The following INSL6 variants were observed in gnomAD, a reference collection of about 807,000 sequenced individuals.
INSL6 encodes insulin-like peptide INSL6.
Under a neutral mutation model 9.4 loss-of-function variants are expected in INSL6, and 16 were observed. The ratio of observed to expected loss-of-function variants is 1.70; its 90% CI spans 1.15 to 2.59. INSL6 has a LOEUF of 2.59. Ranked by LOEUF, INSL6 falls within the 30% of genes most tolerant of loss-of-function variation. The pLI is 0.00. For synonymous variants in INSL6, 154 were observed against 96.9 expected (o/e 1.59, Z -3.46); for missense variants, 391 against 257.3 (o/e 1.52, Z -3.56).
the INSL6 span, chr9:5,094,800 G>C: frequency 6.6e-6 from 1 of 151,986 alleles, no homozygotes; most frequent in Non-Finnish European, 1.5e-5. Context: ...ATTTTTCTAG[G>C]AGTACTACAC....
At chr9:5,106,363 G>A in the INSL6 span, among the ~76,000 whole-genome samples, 1 of 152,220 alleles carries the variant, frequency 6.6e-6, no homozygotes, top group Non-Finnish European at 1.5e-5. Context: ...TCTCATGCCA[G>A]TTAGAATGGT....
At chr9:5,024,255 C>CA in the INSL6 span, among the ~76,000 whole-genome samples, 40 of 151,288 alleles carry the variant, frequency 2.6e-4, no homozygotes, top group South Asian at 2.1e-4. Flanking sequence ...GACTCCATCT[C>CA]AAAAAAAAAT....
intron 2 of INSL6, among the ~76,000 whole-genome samples, chr9:5,147,938 T>TA (rs919353716): frequency 1.3e-5 from 2 of 152,194 alleles, no homozygotes; most frequent in Non-Finnish European, 1.5e-5. Context: ...TTTCAGCTCT[T>TA]AAATTGTTTT....
At chr9:5,039,400 ATAGTC>A in the INSL6 span, among the ~76,000 whole-genome samples, 1 of 152,164 alleles carries the variant, frequency 6.6e-6, no homozygotes, top group South Asian at 2.1e-4. Flanking sequence ...GGTATTATAA[ATAGTC>A]TAGAGATTTT....
chr9:5,164,378 T>C lies in INSL6; in HGVS notation c.290-113A>G, dbSNP rs1825002693. The C allele has an allele frequency of 5.9e-6, 4 of 679,166 alleles. No individual in the cohort carries two copies. The Admixed American group carries it at 1.2e-4, about 20-fold the overall frequency. The allele number at this position is 679,166 out of a possible 1,614,324, so 42.1% of individuals were successfully genotyped here. The stretch of plus-strand genomic sequence containing the variant: ...TATTAAAAAACAAGTAATCACATTT[T>C]AAATAAAGAATGGAAAGTATGGTTA... On this transcript the variant is annotated intron_variant, in intron 1 of 1. Coordinates refer to ENST00000381641, the MANE Select transcript of INSL6 (RefSeq NM_007179.3).
intron 3 of INSL6, among the ~76,000 whole-genome samples, chr9:5,129,790 ATCAG>A (rs930834660): frequency 3.9e-5 from 6 of 152,190 alleles, no homozygotes; most frequent in South Asian, 2.1e-4. Flanking sequence ...GAAAAACTAC[ATCAG>A]TCAAATTCAT....
At chr9:5,164,312 T>G (rs1329922775) in intron 1 of INSL6, 47 bp from the exon 2 acceptor site, 1 of 1,257,092 alleles carries the variant, frequency 8.0e-7, no homozygotes, top group Admixed American at 2.0e-5. Flanking sequence ...AAATCTTCCT[T>G]TAGATGAAAA....
At chr9:5,085,244 TGGC>T in the INSL6 span, 9 of 674,114 alleles carry the variant, frequency 1.3e-5, no homozygotes, top group South Asian at 5.5e-5. Context: ...ACAGGACCAG[TGGC>T]TAACCTGAGA....
chr9:5,073,877 C>T, the INSL6 span: 3 of 780,380 alleles, frequency 3.8e-6, no homozygotes, highest in South Asian at 1.5e-5. Context: ...AGCTAGGTGT[C>T]AGTGTAAACT....
the INSL6 span, chr9:5,090,757 A>G: frequency 6.2e-7 from 1 of 1,604,336 alleles, no homozygotes; most frequent in Non-Finnish European, 8.5e-7. Context: ...GTATCTTGGT[A>G]CAAAAAGGTA....
the INSL6 span, among the ~76,000 whole-genome samples, chr9:5,063,252 G>T: frequency 6.6e-6 from 1 of 151,968 alleles, no homozygotes; most frequent in Non-Finnish European, 1.5e-5. Context: ...TTTTTCCTTT[G>T]TATCTAGCTT....
the INSL6 span, chr9:5,078,368 A>G: frequency 6.2e-7 from 1 of 1,612,450 alleles, no homozygotes; most frequent in Non-Finnish European, 8.5e-7. Context: ...TCAGAGAAGA[A>G]GACAGGAAGA....
the INSL6 span, among the ~76,000 whole-genome samples, chr9:5,055,414 T>C: frequency 6.6e-6 from 1 of 152,000 alleles, no homozygotes; most frequent in African/African-American, 2.4e-5. Flanking sequence ...TCTACTAATG[T>C]TAATTGAATT....
At chr9:5,094,807 ACACACTATGTATT>A in the INSL6 span, 2 of 152,190 alleles carry the variant, frequency 1.3e-5, no homozygotes, top group African/African-American at 4.8e-5. Context: ...TAGGAGTACT[ACACACTATGTATT>A]CACCAGAACT....
chr9:5,055,113 T>C, the INSL6 span, among the ~76,000 whole-genome samples: 14 of 152,132 alleles, frequency 9.2e-5, no homozygotes, highest in South Asian at 1.0e-3. Context: ...GACTATATTA[T>C]AGTTTCAGAA....
At chr9:5,007,641 T>C in the INSL6 span, among the ~76,000 whole-genome samples, 1 of 152,024 alleles carries the variant, frequency 6.6e-6, no homozygotes, top group Non-Finnish European at 1.5e-5. Flanking sequence ...AGTAATTGCG[T>C]TTTTTACTCA....
At chr9:5,102,990 C>A in the INSL6 span, among the ~76,000 whole-genome samples, 1 of 151,874 alleles carries the variant, frequency 6.6e-6, no homozygotes, top group Admixed American at 6.6e-5. Context: ...CATCAACTAA[C>A]GGGCAAAATA....
chr9:5,026,965 C>A, the INSL6 span, among the ~76,000 whole-genome samples: 1 of 152,136 alleles, frequency 6.6e-6, no homozygotes, highest in African/African-American at 2.4e-5. Context: ...TAAAACTTGA[C>A]ACATTGTTCT....
chr9:5,000,015 T>G, the INSL6 span, among the ~76,000 whole-genome samples: 2 of 152,236 alleles, frequency 1.3e-5, no homozygotes, highest in African/African-American at 4.8e-5. Context: ...CTCATTTTTA[T>G]GTACTTTTCT....
Sources: gnomAD v4.1 joint callset for allele counts (sites outside exome capture counted in the v4.1 genomes callset) on GRCh38, gnomAD v4.1.1 for gene constraint, MANE v1.5 for transcripts, NCBI Gene and HGNC (gene_info 2026-07-23, HGNC 2026-07-21) for gene names.